Variants in ZNF451 observed in about 807,000 individuals in gnomAD.
ZNF451 encodes the protein E3 SUMO-protein ligase ZNF451.
A neutral mutation model predicts 107.1 loss-of-function variants in ZNF451; 80 were observed. The observed-to-expected ratio is 0.75, with a 90% CI of 0.62 to 0.90. The LOEUF (loss-of-function observed/expected upper bound fraction) is 0.90, where lower values mean the gene tolerates loss of function less well. Among genes scored for constraint, ZNF451 ranks in the 40% least tolerant of loss-of-function variants. ZNF451 has a pLI of 0.00. For missense variants in ZNF451, 1,107 were observed against 1,236.2 expected, an observed-to-expected ratio of 0.90 and a Z score of 1.57; for synonymous variants, 362 against 406.5, an observed-to-expected ratio of 0.89 and a Z score of 1.32.
intron 3 of ZNF451, among the ~76,000 whole-genome samples, chr6:57,122,529 AG>A (rs1192946919): frequency 2.0e-5 from 3 of 152,230 alleles, no homozygotes; most frequent in Non-Finnish European, 4.4e-5. Flanking sequence ...TGAATCAACA[AG>A]GAAAAAAACC....
At position 57,141,968 on chromosome 6, in the gene ZNF451, C is replaced by A. The variant is rs1831786778; in HGVS notation, c.877C>A (p.Pro293Thr). ...TTCAGATAACAAAGGAATTGCACATCCAATATCTTTCCCATCTTTTGCAAA... is the reference window on the plus strand; with the variant it reads ...TTCAGATAACAAAGGAATTGCACATACAATATCTTTCCCATCTTTTGCAAA... ...KLGDNKGIAH[P>T]ISFPSFAKKL... Residue 293 changes from proline to threonine, a missense_variant, in exon 9 of 15, where the codon CCA (proline) becomes ACA (threonine). By Grantham distance (38) the Pro-to-Thr change is conservative. Coordinates refer to ENST00000370706, the MANE Select transcript of ZNF451 (RefSeq NM_001031623.3). 1 of 1,613,714 alleles carries A rather than the reference C, an allele frequency of 6.2e-7. No individual in the cohort carries two copies. The highest frequency in any genetic ancestry group is 1.3e-5 in the African/African-American group (1 of 74,932).
At chr6:57,142,411 A>G (rs1018342113) in intron 9 of ZNF451, among the ~76,000 whole-genome samples, 1 of 152,256 alleles carries the variant, frequency 6.6e-6, no homozygotes, top group Non-Finnish European at 1.5e-5. Context: ...AATGGAAAGT[A>G]TCATATACAT....
chr6:57,140,048 C>A (rs1831675699), intron 7 of ZNF451, among the ~76,000 whole-genome samples: 1 of 151,476 alleles, frequency 6.6e-6, no homozygotes, highest in African/African-American at 2.4e-5. Flanking sequence ...AGACTATAAA[C>A]AAAATAGATA....
intron 11 of ZNF451, chr6:57,151,984 C>A: frequency 2.5e-6 from 1 of 395,548 alleles, no homozygotes; most frequent in South Asian, 5.2e-5. Context: ...TTTGATTTTG[C>A]CTAATATCCA....
chr6:57,107,180 A>C, intron 3 of ZNF451: 1 of 985,348 alleles, frequency 1.0e-6, no homozygotes, highest in South Asian at 4.7e-5. Flanking sequence ...TGTTGTTAGC[A>C]TATCAGTTAT....
intron 3 of ZNF451, chr6:57,101,433 A>G: frequency 6.4e-7 from 1 of 1,550,774 alleles, no homozygotes; most frequent in South Asian, 1.2e-5. Context: ...CTCCTTTCCA[A>G]CCAAACCCAC....
chr6:57,120,104 C>T (rs1044637705), intron 3 of ZNF451, among the ~76,000 whole-genome samples: 1 of 152,176 alleles, frequency 6.6e-6, no homozygotes, highest in African/African-American at 2.4e-5. Flanking sequence ...ACTATCCTGT[C>T]AGTCACTGAT....
At chr6:57,115,914 T>C (rs1265866670) in intron 3 of ZNF451, 1 of 152,174 alleles carries the variant, frequency 6.6e-6, no homozygotes, top group East Asian at 1.9e-4. Flanking sequence ...AGGATAACCC[T>C]GAAGATCCTA....
intron 10 of ZNF451, 155 bp from the exon 11 acceptor site, chr6:57,150,564 A>T: frequency 1.5e-6 from 1 of 650,318 alleles, no homozygotes; most frequent in Non-Finnish European, 2.5e-6. Context: ...GGTGTCATGT[A>T]CAGATTTGGA....
chr6:57,150,946 C>T (rs1161018978), intron 11 of ZNF451, 84 bp downstream of exon 11: 1 of 1,455,202 alleles, frequency 6.9e-7, no homozygotes, highest in Admixed American at 1.9e-5. Flanking sequence ...CTTAAACCTT[C>T]CTGGATAGAA....
chr6:57,107,482 A>G, intron 3 of ZNF451: 1 of 985,228 alleles, frequency 1.0e-6, no homozygotes, highest in African/African-American at 1.7e-5. Context: ...ACCTTGTTTA[A>G]TGGTAGTAGT....
chr6:57,142,988 C>G (rs778526303), intron 9 of ZNF451, among the ~76,000 whole-genome samples: 1 of 152,072 alleles, frequency 6.6e-6, no homozygotes, highest in African/African-American at 2.4e-5. Context: ...TGTGAAATCT[C>G]TGTTCAAGTC....
intron 13 of ZNF451, among the ~76,000 whole-genome samples, chr6:57,156,868 T>A (rs1763452582): frequency 6.6e-6 from 1 of 152,162 alleles, no homozygotes; most frequent in Non-Finnish European, 1.5e-5. Context: ...AGATCCCTTG[T>A]ACGTGCAGTT....
intron 4 of ZNF451, 86 bp downstream of exon 4, chr6:57,124,945 A>G: frequency 1.0e-6 from 1 of 958,808 alleles, no homozygotes; most frequent in South Asian, 3.2e-5. Context: ...AAAAAAAGAT[A>G]TGATTTAATC....
In ZNF451 at chr6:57,148,543, G is replaced by A; in HGVS notation, c.2458G>A (p.Val820Met). ...RKHCFLQKPS[V>M]AHFGSEKSNL... ...ACATTGCTTCTTACAGAAACCCAGT[G>A]TGGCTCATTTTGGATCTGAAAAATC... is the stretch of plus-strand genomic sequence containing the variant. Residue 820 changes from valine to methionine, a missense_variant, in exon 10 of 15, where the codon GTG becomes ATG. Coordinates refer to ENST00000370706, the MANE Select transcript of ZNF451 (RefSeq NM_001031623.3). 6.2e-7 allele frequency: 1 copy of A among 1,614,122 alleles called. No individual in the cohort carries two copies. Among genetic ancestry groups the A allele is most frequent in the Non-Finnish European group, 8.5e-7 (1 of 1,179,990 alleles).
Position 57,168,685 on chromosome 6 carries a change from A to G in ZNF451, c.*216A>G, listed in dbSNP as rs1177411085. The G allele has an allele frequency of 3.8e-5, 19 of 500,248 alleles. No individual in the cohort carries two copies. The East Asian group carries it at 7.0e-4, about 18-fold the overall frequency. 31.0% of individuals were successfully genotyped at this position (500,248 alleles called of 1,614,324 possible). A position where few individuals can be genotyped will look rare whatever the true frequency, so the allele number is the denominator to read the frequency against. The stretch of plus-strand genomic sequence containing the variant: ...AAATAGAATACATGTTCATGCAAAT[A>G]TAAATTATGTATTCTAATATAGGTG... On this transcript the variant is annotated 3_prime_UTR_variant, in exon 15 of 15. Coordinates refer to ENST00000370706, the MANE Select transcript of ZNF451 (RefSeq NM_001031623.3).
At chr6:57,115,521 C>T (rs139697104) in intron 3 of ZNF451, 16 of 152,304 alleles carry the variant, frequency 1.1e-4, no homozygotes, top group Non-Finnish European at 2.4e-4. Context: ...ATATGGCTAT[C>T]ATTTCTAGGA....
At chr6:57,139,161 T>C (rs1013760501) in intron 7 of ZNF451, among the ~76,000 whole-genome samples, 1 of 152,152 alleles carries the variant, frequency 6.6e-6, no homozygotes, top group Non-Finnish European at 1.5e-5. Context: ...CTCGGTGTTA[T>C]TTCTTCTGTG....
At chr6:57,141,493 T>C in intron 8 of ZNF451, 38 bp downstream of exon 8, 1 of 1,549,928 alleles carries the variant, frequency 6.5e-7, no homozygotes, top group Non-Finnish European at 8.8e-7. Context: ...ATTAAACTAC[T>C]TGAATCTTTG....
Sources: gnomAD v4.1 joint callset for allele counts (sites outside exome capture counted in the v4.1 genomes callset) on GRCh38, gnomAD v4.1.1 for gene constraint, MANE v1.5 for transcripts, NCBI Gene and HGNC (gene_info 2026-07-23, HGNC 2026-07-21) for gene names.